ATOSA: variants seen among roughly 807,000 people sequenced by gnomAD.
ATOSA encodes atos homolog protein A.
the ATOSA span, among the ~76,000 whole-genome samples, chr15:52,602,011 T>C: frequency 6.6e-6 from 1 of 152,238 alleles, no homozygotes; most frequent in Non-Finnish European, 1.5e-5. Flanking sequence ...TCATTTCTAA[T>C]ATTGCATTTT....
chr15:52,597,593 A>G, the ATOSA span, among the ~76,000 whole-genome samples: 1 of 152,244 alleles, frequency 6.6e-6, no homozygotes, highest in Non-Finnish European at 1.5e-5. Context: ...CAGTGACAGA[A>G]AGCACTAAGA....
chr15:52,618,304 G>A, the ATOSA span, among the ~76,000 whole-genome samples: 66 of 152,266 alleles, frequency 4.3e-4, 2 homozygotes, highest in East Asian at 0.01. Context: ...CTCCCAAAGG[G>A]CTGGGATTAC....
chr15:52,677,989 T>C, the ATOSA span: 2 of 1,614,036 alleles, frequency 1.2e-6, no homozygotes, highest in Non-Finnish European at 1.7e-6. Flanking sequence ...CAAGCCCTAC[T>C]TAAACAAATC....
the ATOSA span, chr15:52,593,370 C>T: frequency 2.0e-6 from 1 of 494,562 alleles, no homozygotes; most frequent in Non-Finnish European, 3.6e-6. Context: ...GAAATAAGTA[C>T]ATTTTTAGTA....
chr15:52,683,057 A>AGGCCTCT, the ATOSA span, among the ~76,000 whole-genome samples: 1 of 152,248 alleles, frequency 6.6e-6, no homozygotes, highest in Non-Finnish European at 1.5e-5. Flanking sequence ...GGGCTTAGAA[A>AGGCCTCT]TACAAGGGCC....
chr15:52,625,122 T>A, the ATOSA span, among the ~76,000 whole-genome samples: 1 of 152,050 alleles, frequency 6.6e-6, no homozygotes, highest in South Asian at 2.1e-4. Flanking sequence ...ATCTTAGAAA[T>A]CATCCTAACC....
the ATOSA span, among the ~76,000 whole-genome samples, chr15:52,629,928 A>G: frequency 6.6e-6 from 1 of 152,226 alleles, no homozygotes; most frequent in African/African-American, 2.4e-5. Flanking sequence ...GAAACAATAT[A>G]CAGCAGGAAA....
the ATOSA span, chr15:52,608,678 G>C: frequency 6.2e-7 from 1 of 1,612,246 alleles, no homozygotes; most frequent in Non-Finnish European, 8.5e-7. Flanking sequence ...TGCTTATCTT[G>C]TTCATTTTTT....
At chr15:52,642,655 G>A in the ATOSA span, among the ~76,000 whole-genome samples, 4 of 151,992 alleles carry the variant, frequency 2.6e-5, no homozygotes, top group Non-Finnish European at 5.9e-5. Context: ...AATCACTTAC[G>A]CCTCCTCTCT....
At chr15:52,669,094 A>AT in the ATOSA span, among the ~76,000 whole-genome samples, 1 of 151,528 alleles carries the variant, frequency 6.6e-6, no homozygotes, top group African/African-American at 2.4e-5. Context: ...ATTTTTTTGT[A>AT]TTTTTTTAGT....
chr15:52,611,051 T>A, the ATOSA span: 7 of 1,450,354 alleles, frequency 4.8e-6, no homozygotes, highest in African/African-American at 1.4e-5. Flanking sequence ...AATAATCTAT[T>A]TAAAAGGTAA....
chr15:52,600,284 T>C, the ATOSA span: 1 of 1,209,074 alleles, frequency 8.3e-7, no homozygotes, highest in Non-Finnish European at 1.2e-6. Context: ...ACAATACTTT[T>C]TTTTTTAATC....
chr15:52,645,321 C>T, the ATOSA span, among the ~76,000 whole-genome samples: 1 of 152,142 alleles, frequency 6.6e-6, no homozygotes, highest in Admixed American at 6.5e-5. Flanking sequence ...TGCTTGTAAT[C>T]CCAGCTACTT....
the ATOSA span, among the ~76,000 whole-genome samples, chr15:52,708,700 T>C: frequency 2.5e-4 from 38 of 152,026 alleles, no homozygotes; most frequent in African/African-American, 8.9e-4. Flanking sequence ...TCTGTTCCAG[T>C]TGGTCAAAAA....
At chr15:52,597,165 G>A in the ATOSA span, among the ~76,000 whole-genome samples, 6 of 24,746 alleles carry the variant, frequency 2.4e-4, no homozygotes, top group Admixed American at 4.2e-4. Flanking sequence ...GTTCTGTTCT[G>A]TTCTATTCTA....
At chr15:52,647,520 G>A in the ATOSA span, among the ~76,000 whole-genome samples, 1 of 152,184 alleles carries the variant, frequency 6.6e-6, no homozygotes, top group African/African-American at 2.4e-5. Flanking sequence ...TTTAATTTCT[G>A]CCTTCCAGGC....
the ATOSA span, among the ~76,000 whole-genome samples, chr15:52,591,744 A>G: frequency 2.6e-5 from 4 of 152,330 alleles, no homozygotes; most frequent in South Asian, 8.3e-4. Flanking sequence ...CCATTTTATT[A>G]AGTGTCCAAA....
chr15:52,657,583 G>C, the ATOSA span: 1 of 152,120 alleles, frequency 6.6e-6, no homozygotes, highest in Non-Finnish European at 1.5e-5. Context: ...ACTTCGGAGA[G>C]AACATACTCA....
At chr15:52,686,954 T>C in the ATOSA span, among the ~76,000 whole-genome samples, 4 of 152,252 alleles carry the variant, frequency 2.6e-5, no homozygotes, top group African/African-American at 7.2e-5. Flanking sequence ...TCTTTATTTC[T>C]AAAATGTCAT....
Sources: gnomAD v4.1 joint callset for allele counts (sites outside exome capture counted in the v4.1 genomes callset) on GRCh38, gnomAD v4.1.1 for gene constraint, MANE v1.5 for transcripts, NCBI Gene and HGNC (gene_info 2026-07-23, HGNC 2026-07-21) for gene names.